Variants in TRMT1 observed in about 807,000 individuals in gnomAD.
TRMT1 encodes tRNA (guanine(26)-N(2))-dimethyltransferase.
In TRMT1, 63 loss-of-function variants were observed where a neutral mutation model predicts 75.4. The observed-to-expected ratio is 0.84, with a 90% CI of 0.68 to 1.03. The LOEUF (loss-of-function observed/expected upper bound fraction) is 1.03. Among genes scored for constraint, TRMT1 ranks in the 50% least tolerant of loss-of-function variants. The pLI is 0.00. For synonymous variants in TRMT1, 382 were observed against 358.1 expected (o/e 1.07, Z -0.75); for missense variants, 870 against 905.3 (o/e 0.96, Z 0.50).
At chr19:13,105,437 TA>T (rs765264660) in intron 15 of TRMT1, 41 bp from the exon 16 acceptor site, 1 of 1,613,826 alleles carries the variant, frequency 6.2e-7, no homozygotes, top group South Asian at 1.1e-5. Context: ...ATCTGCCCTT[TA>T]CCCCTTCTTT....
Position 13,116,207 on chromosome 19 carries a change from C to A in TRMT1, c.193G>T (p.Ala65Ser). Residue 65 changes from alanine (A) to serine (S), a missense_variant, in exon 2 of 17, where the codon GCC becomes TCC. Physicochemically the swap from Ala to Ser is moderately conservative, Grantham distance 99 (BLOSUM62 1). Transcript: ENST00000357720. ...TTVTEGAAKIAFPSANEVFYN... is the reference protein window; with the variant it reads ...TTVTEGAAKISFPSANEVFYN... ...AAGACCTCGTTGGCACTGGGAAAGG[C>A]GATTTTGGCAGCCCCCTCGGTGACT... 2 of 1,614,182 alleles carry A rather than the reference C, an allele frequency of 1.2e-6. No homozygotes were observed. Among genetic ancestry groups the A allele is most frequent in the Non-Finnish European group, 1.7e-6 (2 of 1,180,028 alleles).
chr19:13,105,134 A>G, intron 16 of TRMT1, 53 bp from the exon 17 acceptor site: 1 of 1,550,002 alleles, frequency 6.5e-7, no homozygotes, highest in South Asian at 1.2e-5. Flanking sequence ...GCAGCCCCTG[A>G]TGGGATCCTT....
Position 13,115,387 on chromosome 19 carries a change from C to G in TRMT1, c.533G>C (p.Arg178Thr). The change falls in exon 5 of 17, where the codon AGA becomes ACA. Residue 178 changes from arginine (R) to threonine (T), a missense_variant. Physicochemically the swap from Arg to Thr is moderately conservative, Grantham distance 71. Coordinates refer to ENST00000357720, the MANE Select transcript of TRMT1 (RefSeq NM_001136035.4). ...IRFALEVPGLRSVVANDASTR... is the reference protein window; with the variant it reads ...IRFALEVPGLTSVVANDASTR... ...GGAGGCATCGTTTGCAACCACAGAT[C>G]TGAGCCCAGGCACCTCTAGGGCAAA... 1 of 1,614,138 alleles carries G rather than the reference C, an allele frequency of 6.2e-7. No individual in the cohort carries two copies. Among genetic ancestry groups the G allele is most frequent in the Non-Finnish European group, 8.5e-7 (1 of 1,180,044 alleles).
In TRMT1 at chr19:13,115,667, C is replaced by T; in HGVS notation, c.412G>A (p.Gly138Arg). ...ELKESENLAS[G>R]DQPRTAAVGE... ...ACGGCCGCTGTGCGAGGTTGGTCTC[C>T]TGAGGCCAGGTTTTCACTCTCTTTC... Residue 138 changes from glycine to arginine, a missense_variant, in exon 4 of 17, where the codon GGA (glycine) becomes AGA (arginine). By Grantham distance (125) the Gly-to-Arg change is moderately radical (BLOSUM62 -2). Transcript: ENST00000357720. The T allele has an allele frequency of 6.2e-7, 1 of 1,614,066 alleles. No homozygotes were observed. Among genetic ancestry groups the T allele is most frequent in the Non-Finnish European group, 8.5e-7 (1 of 1,180,020 alleles).
At position 13,105,595 on chromosome 19, in the gene TRMT1, T is replaced by C; in HGVS notation, c.1595A>G (p.Asn532Ser). The stretch of plus-strand genomic sequence containing the variant: ...GTTGGCATCTTCCCGGATGGTGAAG[T>C]TGGCCTGCAGCCTAGGGAAGCAGGG... ...ILSVEPRLQA[N>S]FTIREDANPS... The change falls in exon 15 of 17, where the codon AAC becomes AGC. Residue 532 changes from asparagine (N) to serine (S), a missense_variant. By Grantham distance (46) the Asn-to-Ser change is conservative. Coordinates refer to ENST00000357720, the MANE Select transcript of TRMT1 (RefSeq NM_001136035.4). The C allele has an allele frequency of 6.2e-7, 1 of 1,613,592 alleles. No homozygotes were observed. The highest frequency in any genetic ancestry group is 8.5e-7 in the Non-Finnish European group (1 of 1,179,886).
rs751770404 is a variant in TRMT1 at position 13,110,266 on chromosome 19, T to C, written c.911A>G (p.Asn304Ser). Residue 304 changes from asparagine to serine, a missense_variant, in exon 8 of 17, where the codon AAC becomes AGC. Transcript: ENST00000357720. ...IVLHSLDLRANCYQRFVVPLL... is the reference protein window; with the variant it reads ...IVLHSLDLRASCYQRFVVPLL... ...CGGCACCACGAAGCGCTGGTAGCAG[T>C]TGGCGCGGAGGTCCAGGCTGTGCAG... The C allele has an allele frequency of 2.2e-5, 35 of 1,585,214 alleles. No homozygotes were observed. The South Asian group carries it at 2.8e-4, about 12-fold the overall frequency.
chr19:13,108,817 C>T (rs1432067848), intron 12 of TRMT1, among the ~76,000 whole-genome samples: 1 of 151,904 alleles, frequency 6.6e-6, no homozygotes. Context: ...ACCATTTTGA[C>T]CACGCTGGTC....
intron 16 of TRMT1, 40 bp downstream of exon 16, chr19:13,105,227 C>T: frequency 6.3e-7 from 1 of 1,594,640 alleles, no homozygotes; most frequent in Non-Finnish European, 8.6e-7. Flanking sequence ...AGGGGAGACT[C>T]ATGTGTCCTG....
chr19:13,113,310 T>C (rs1028631479), intron 5 of TRMT1, among the ~76,000 whole-genome samples: 1 of 151,990 alleles, frequency 6.6e-6, no homozygotes, highest in African/African-American at 2.4e-5. Context: ...ACTACAGACA[T>C]GTGCCACCAC....
At position 13,115,464 on chromosome 19, in the gene TRMT1, T is replaced by G; in HGVS notation, c.456A>C (p.Glu152Asp). 1 of 1,612,364 alleles carries G rather than the reference T, an allele frequency of 6.2e-7. No homozygotes were observed. ...RTAAVGEICE[E>D]GLHVLEGLAA... ...CCAGGCCTTCCAGCACATGCAGGCCTTCCTGTTGGAGTAAGCAGAAAACCT... is the reference window on the plus strand; with the variant it reads ...CCAGGCCTTCCAGCACATGCAGGCCGTCCTGTTGGAGTAAGCAGAAAACCT... Residue 152 changes from glutamate to aspartate, a missense_variant and splice_region_variant, in exon 5 of 17, where the codon GAA becomes GAC. Physicochemically the swap from Glu to Asp is conservative, Grantham distance 45. Transcript: ENST00000357720.
In TRMT1 at chr19:13,112,753, G is replaced by A. The variant is rs1226680991; in HGVS notation, c.822C>T (p.Tyr274=). Residue 274 remains tyrosine, a synonymous_variant, in exon 7 of 17, where the codon TAC becomes TAT. Transcript: ENST00000357720. ...TGAGGGCCATGGCCCCGTACTTGCTGTAGCACGTCTCCCCGCTGTTCCCCG... is the reference window on the plus strand; with the variant it reads ...TGAGGGCCATGGCCCCGTACTTGCTATAGCACGTCTCCCCGCTGTTCCCCG... ...VLAGNSGETC[Y]SKYGAMALKS... 1.9e-6 allele frequency: 3 copies of A among 1,613,818 alleles called. No homozygotes were observed. In the Admixed American group the frequency reaches 5.0e-5, roughly 27 times the overall value.
Position 13,109,628 on chromosome 19 carries a change from G to A in TRMT1, c.1233C>T (p.Val411=). 6.2e-7 allele frequency: 1 copy of A among 1,613,976 alleles called. No individual in the cohort carries two copies. The change falls in exon 11 of 17, where the codon GTC becomes GTT. Residue 411 remains valine, a synonymous_variant. Transcript: ENST00000357720. ...CGGGGTTAGCGCTCACAGCCTCCAGGACACGGCCCACAAAATCCAGGTCAT... is the reference window on the plus strand; with the variant it reads ...CGGGGTTAGCGCTCACAGCCTCCAGAACACGGCCCACAAAATCCAGGTCAT... ...PIHDLDFVGR[V]LEAVSANPGR...
Position 13,115,287 on chromosome 19 carries a change from T to C in TRMT1, c.633A>G (p.Ala211=). ...DVAHLVQPSQ[A]DARMLMYQHQ... is the part of the protein sequence containing the mutation. ...TGATGCCCAGAACCTACCGGGCATC[T>C]GCTTGGCTCGGCTGTACCAGGTGGG... Residue 211 remains alanine, a synonymous_variant, in exon 5 of 17, where the codon GCA becomes GCG. Transcript: ENST00000357720. The C allele has an allele frequency of 6.2e-7, 1 of 1,611,542 alleles. No homozygotes were observed. The highest frequency in any genetic ancestry group is 8.5e-7 in the Non-Finnish European group (1 of 1,178,690).
rs770901684 is a variant in TRMT1 at position 13,109,836 on chromosome 19, G to A, written c.1109C>T (p.Ala370Val). The A allele has an allele frequency of 4.3e-6, 7 of 1,613,970 alleles. No individual in the cohort carries two copies. Among genetic ancestry groups the A allele is most frequent in the South Asian group, 1.1e-5 (1 of 91,084 alleles). The stretch of plus-strand genomic sequence containing the variant: ...GGGACCACAGGCTGCAGAGAACTTG[G>A]CCCTAAACAGAGAGGGGTGGTTGGT... Reference protein sequence around the residue: ...GKASGVPSGRAKFSAACGPPV... With the variant: ...GKASGVPSGRVKFSAACGPPV... The change falls in exon 10 of 17, where the codon GCC (alanine) becomes GTC (valine). Residue 370 changes from alanine (A) to valine (V), a missense_variant and splice_region_variant. By Grantham distance (64) the Ala-to-Val change is moderately conservative (BLOSUM62 0). Coordinates refer to ENST00000357720, the MANE Select transcript of TRMT1 (RefSeq NM_001136035.4).
At chr19:13,116,525 A>G (rs2019372388) in intron 1 of TRMT1, 94 bp from the exon 2 acceptor site, 3 of 1,330,738 alleles carry the variant, frequency 2.3e-6, no homozygotes, top group South Asian at 2.9e-5. Context: ...AGGGACTAGG[A>G]AAACCTGCGG....
In TRMT1 at chr19:13,105,549, T is replaced by C; in HGVS notation, c.1641A>G (p.Gly547=). The part of the protein sequence containing the change: ...EDANPSSRQR[G]LKRFQANPEA... Reference sequence around the variant, plus strand: ...CCGGGTTAGCCTGGAAGCGCTTGAGTCCTCGCTGTCGGGAGCTGGGGTTGG... The same window carrying C: ...CCGGGTTAGCCTGGAAGCGCTTGAGCCCTCGCTGTCGGGAGCTGGGGTTGG... The change falls in exon 15 of 17, where the codon GGA becomes GGG. Residue 547 remains glycine, a synonymous_variant. Coordinates refer to ENST00000357720, the MANE Select transcript of TRMT1 (RefSeq NM_001136035.4). The C allele has an allele frequency of 6.2e-7, 1 of 1,613,846 alleles. No individual in the cohort carries two copies. The highest frequency in any genetic ancestry group is 2.2e-5 in the East Asian group (1 of 44,838).
chr19:13,109,085 GGTGT>G (rs57825932), intron 12 of TRMT1, among the ~76,000 whole-genome samples: 11 of 147,316 alleles, frequency 7.5e-5, no homozygotes, highest in Non-Finnish European at 1.1e-4. Flanking sequence ...CAGGCTAATG[GGTGT>G]GTGTGTGTGT....
At chr19:13,111,694 G>A (rs148539580) in intron 7 of TRMT1, among the ~76,000 whole-genome samples, 5 of 149,298 alleles carry the variant, frequency 3.3e-5, no homozygotes, top group African/African-American at 7.4e-5. Flanking sequence ...CACCGCGCCC[G>A]GCCTATTTTT....
At chr19:13,109,254 A>T in intron 12 of TRMT1, 127 bp downstream of exon 12, 1 of 1,102,246 alleles carries the variant, frequency 9.1e-7, no homozygotes, top group Non-Finnish European at 1.3e-6. Flanking sequence ...TACTGGGATT[A>T]CAGGAATGAG....
Sources: allele counts gnomAD v4.1 joint callset (sites outside exome capture counted in the v4.1 genomes callset), GRCh38; gene constraint gnomAD v4.1.1; transcripts MANE v1.5; gene names NCBI Gene and HGNC (gene_info 2026-07-23, HGNC 2026-07-21).